CHRM3: variants seen among roughly 807,000 people sequenced by gnomAD.
CHRM3 encodes muscarinic acetylcholine receptor M3.
In CHRM3, 11 loss-of-function variants were observed where a neutral mutation model predicts 41.8. That is an observed-to-expected ratio of 0.26 (90% confidence interval 0.17 to 0.44). CHRM3 has a LOEUF of 0.44. CHRM3 is among the 20% of genes least tolerant of loss of function. The pLI, the probability that CHRM3 is intolerant of heterozygous loss-of-function variation, is 1.00. For synonymous variants in CHRM3, 297 were observed against 301.4 expected (o/e 0.99, Z 0.15); for missense variants, 571 against 745.4 (o/e 0.77, Z 2.72).
chr1:239,845,898 G>A (rs879841671), intron 6 of CHRM3, among the ~76,000 whole-genome samples: 5 of 152,066 alleles, frequency 3.3e-5, no homozygotes, highest in Admixed American at 6.6e-5. Flanking sequence ...CTTAAGAATT[G>A]CCTTTATAGA....
At chr1:239,464,279 CAA>C (rs748118542) in intron 1 of CHRM3, among the ~76,000 whole-genome samples, 5,637 of 72,708 alleles carry the variant, frequency 0.078, 147 homozygotes, top group African/African-American at 0.15. Flanking sequence ...GACCCTGTCT[CAA>C]AAAAAAAAAA....
intron 6 of CHRM3, among the ~76,000 whole-genome samples, chr1:239,836,710 G>A (rs1185087991): frequency 2.6e-5 from 4 of 152,160 alleles, no homozygotes. Flanking sequence ...TGGCGTGGTG[G>A]CTCACGTCTG....
chr1:239,778,752 A>G (rs1318131101), intron 5 of CHRM3, among the ~76,000 whole-genome samples: 1 of 152,204 alleles, frequency 6.6e-6, no homozygotes, highest in Non-Finnish European at 1.5e-5. Flanking sequence ...TGACTTGGAC[A>G]TTACCCACAC....
At chr1:239,461,359 T>G (rs1465693389) in intron 1 of CHRM3, among the ~76,000 whole-genome samples, 1 of 152,150 alleles carries the variant, frequency 6.6e-6, no homozygotes, top group East Asian at 1.9e-4. Flanking sequence ...TCAATATACA[T>G]AGAAGATGGG....
intron 2 of CHRM3, among the ~76,000 whole-genome samples, chr1:239,512,427 C>A (rs554720212): frequency 1.3e-3 from 197 of 152,262 alleles, no homozygotes; most frequent in Non-Finnish European, 2.4e-3. Context: ...GCCTGTGAAG[C>A]AGCCGAGACC....
At position 239,684,080 on chromosome 1, in the gene CHRM3, G is replaced by A. The variant is rs567082427; in HGVS notation, c.-147+5792G>A. ...TTTAGGATTCCTAACCCATATTCCCGTGTGGGAGAAGATTTTTTAAACAAA... is the reference window on the plus strand; with the variant it reads ...TTTAGGATTCCTAACCCATATTCCCATGTGGGAGAAGATTTTTTAAACAAA... On this transcript the variant is annotated intron_variant, in intron 5 of 6. Coordinates refer to ENST00000676153, the MANE Select transcript of CHRM3 (RefSeq NM_001375978.1). Among the ~76,000 whole-genome samples, 22 of 152,282 alleles carry A rather than the reference G, an allele frequency of 1.4e-4. No homozygotes were observed. In the South Asian group the frequency reaches 1.9e-3, roughly 13 times the overall value.
chr1:239,526,192 T>C (rs148598024), intron 2 of CHRM3, among the ~76,000 whole-genome samples: 2 of 152,262 alleles, frequency 1.3e-5, no homozygotes, highest in Non-Finnish European at 2.9e-5. Context: ...ATTGCCTATG[T>C]CCTTGCCTGT....
intron 5 of CHRM3, among the ~76,000 whole-genome samples, chr1:239,698,569 A>G (rs1319502835): frequency 6.6e-6 from 1 of 152,224 alleles, no homozygotes; most frequent in East Asian, 1.9e-4. Flanking sequence ...TATTAAATTG[A>G]TCAGCAGTGC....
At chr1:239,675,443 T>G (rs1571945789) in intron 4 of CHRM3, among the ~76,000 whole-genome samples, 1 of 152,180 alleles carries the variant, frequency 6.6e-6, no homozygotes, top group African/African-American at 2.4e-5. Flanking sequence ...GTGTAGTTTG[T>G]CAAGAATTGC....
rs371319364 is a variant in CHRM3 at position 239,408,521 on chromosome 1, CAAAAAA to C, written c.-521+21312_-521+21317del. On this transcript the variant is annotated intron_variant, in intron 1 of 6. Transcript: ENST00000676153. ...CCTGGGCAACAGAGAGAGACTCCGTCAAAAAAAAAAAAAAAAAAAAAAACTCTCTCC... is the reference window on the plus strand; with the variant it reads ...CCTGGGCAACAGAGAGAGACTCCGTCAAAAAAAAAAAAAAAAACTCTCTCC... 6.9e-3 allele frequency among the ~76,000 whole-genome samples: 425 copies of C among 61,262 alleles called. 4 individuals carry two copies. Among genetic ancestry groups the C allele is most frequent in the African/African-American group, 0.024 (408 of 17,184 alleles). The allele number at this position is 61,262 out of a possible 152,430, so 40.2% of individuals were successfully genotyped here.
chr1:239,729,401 G>A (rs540945190), intron 5 of CHRM3, among the ~76,000 whole-genome samples: 5 of 151,990 alleles, frequency 3.3e-5, no homozygotes, highest in South Asian at 4.2e-4. Context: ...TTCAGGGAAC[G>A]TCATTTGTAC....
chr1:239,910,330 T>C lies in CHRM3; in HGVS notation c.*1106T>C, dbSNP rs900265954. 1.2e-5 allele frequency: 2 copies of C among 163,490 alleles called. No individual in the cohort carries two copies. Among genetic ancestry groups the C allele is most frequent in the East Asian group, 2.0e-4 (1 of 5,106 alleles). 10.1% of individuals were successfully genotyped at this position (163,490 alleles called of 1,614,324 possible). ...ATATATATATATGTGTATATATATA[T>C]ATATGGCAAAGCAAAAAAAAAAACA... On this transcript the variant is annotated 3_prime_UTR_variant, in exon 7 of 7. Transcript: ENST00000676153.
intron 5 of CHRM3, among the ~76,000 whole-genome samples, chr1:239,772,453 T>A (rs978969315): frequency 1.3e-5 from 2 of 152,178 alleles, no homozygotes; most frequent in African/African-American, 2.4e-5. Flanking sequence ...GCCCAGCCTA[T>A]ACTTCCTTGT....
intron 1 of CHRM3, among the ~76,000 whole-genome samples, chr1:239,485,901 G>A (rs1460301297): frequency 6.6e-6 from 1 of 152,056 alleles, no homozygotes; most frequent in Non-Finnish European, 1.5e-5. Flanking sequence ...CTTTAGTATT[G>A]GTAGGTACGG....
At chr1:239,830,991 G>A (rs1469508199) in intron 6 of CHRM3, among the ~76,000 whole-genome samples, 1 of 151,798 alleles carries the variant, frequency 6.6e-6, no homozygotes, top group Non-Finnish European at 1.5e-5. Flanking sequence ...GTTTGTATTT[G>A]GGATTTTTTT....
chr1:239,562,563 A>G (rs1660959761), intron 3 of CHRM3, among the ~76,000 whole-genome samples: 2 of 151,996 alleles, frequency 1.3e-5, no homozygotes, highest in African/African-American at 2.4e-5. Context: ...TTCTATTTAG[A>G]TGATGATGAT....
rs192294560 is a variant in CHRM3, at chr1:239,582,734, A to G, written c.-313+36985A>G. ...CCTGGGTTACTAAAACAGCGTAATAACTGGCCACTTAACTATGTCACTCCC... is the reference window on the plus strand; with the variant it reads ...CCTGGGTTACTAAAACAGCGTAATAGCTGGCCACTTAACTATGTCACTCCC... On this transcript the variant is annotated intron_variant, in intron 3 of 6. Coordinates refer to ENST00000676153, the MANE Select transcript of CHRM3 (RefSeq NM_001375978.1). Among the ~76,000 whole-genome samples, 842 of 152,196 alleles carry G rather than the reference A, an allele frequency of 5.5e-3. 5 individuals are homozygous for G. Among genetic ancestry groups the G allele is most frequent in the African/African-American group, 0.016 (661 of 41,520 alleles).
intron 5 of CHRM3, among the ~76,000 whole-genome samples, chr1:239,787,621 C>T (rs571785429): frequency 6.6e-6 from 1 of 152,020 alleles, no homozygotes; most frequent in African/African-American, 2.4e-5. Context: ...ACAGGCAGAC[C>T]CAGATTGCAA....
At chr1:239,604,486 G>A (rs1249938648) in intron 3 of CHRM3, among the ~76,000 whole-genome samples, 1 of 152,130 alleles carries the variant, frequency 6.6e-6, no homozygotes, top group Non-Finnish European at 1.5e-5. Flanking sequence ...ATTGTCTATA[G>A]TATCCCACTG....
Sources: allele counts gnomAD v4.1 joint callset (sites outside exome capture counted in the v4.1 genomes callset), GRCh38; gene constraint gnomAD v4.1.1; transcripts MANE v1.5; gene names NCBI Gene and HGNC (gene_info 2026-07-23, HGNC 2026-07-21).